The following NALF1 variants were observed in gnomAD, a reference collection of about 807,000 sequenced individuals.
The protein encoded by NALF1 is NALCN channel auxiliary factor 1.
A neutral mutation model predicts 48.4 loss-of-function variants in NALF1; 3 were observed. The ratio of observed to expected loss-of-function variants is 0.06; its 90% CI spans 0.03 to 0.16. The LOEUF (loss-of-function observed/expected upper bound fraction) is 0.16. Ranked by LOEUF, NALF1 falls within the 10% of genes least tolerant of loss-of-function variation. The probability of loss-of-function intolerance (pLI) is 1.00; values close to 1 mark genes in which losing one functional copy is unlikely to be tolerated. For synonymous variants in NALF1, 262 were observed against 245.7 expected (o/e 1.07, Z -0.62); for missense variants, 526 against 571.5 (o/e 0.92, Z 0.81).
intron 2 of NALF1, among the ~76,000 whole-genome samples, chr13:107,206,225 A>G (rs1288986788): frequency 6.6e-6 from 1 of 152,198 alleles, no homozygotes; most frequent in East Asian, 1.9e-4. Flanking sequence ...AAAATTCAAG[A>G]GAAATCTCAG....
At chr13:107,381,143 T>C (rs796115032) in intron 1 of NALF1, among the ~76,000 whole-genome samples, 111 of 148,476 alleles carry the variant, frequency 7.5e-4, no homozygotes, top group African/African-American at 2.5e-3. Flanking sequence ...TATATTCATA[T>C]ATATATGTAT....
At chr13:107,789,783 C>T (rs376399738) in intron 1 of NALF1, among the ~76,000 whole-genome samples, 7 of 152,168 alleles carry the variant, frequency 4.6e-5, no homozygotes, top group Admixed American at 6.5e-5. Flanking sequence ...GCTCTCTGCA[C>T]GGCAATATGC....
chr13:107,789,465 G>A (rs895394670), intron 1 of NALF1, among the ~76,000 whole-genome samples: 1 of 152,110 alleles, frequency 6.6e-6, no homozygotes, highest in African/African-American at 2.4e-5. Context: ...ATCGTTTATT[G>A]TTGGGAAACT....
rs568373742 is a variant in NALF1 at position 107,199,983 on chromosome 13, A to G, written c.1087+10601T>C. 3.1e-3 allele frequency among the ~76,000 whole-genome samples: 463 copies of G among 149,986 alleles called. 3 individuals are homozygous for G. The highest frequency in any genetic ancestry group is 0.011 in the African/African-American group (449 of 39,534). ...TTCTTGCTCAAAGGACGGAGTTGCTACTCACTAATGAACTCATCCAATGTT... is the reference window on the plus strand; with the variant it reads ...TTCTTGCTCAAAGGACGGAGTTGCTGCTCACTAATGAACTCATCCAATGTT... On this transcript the variant is annotated intron_variant, in intron 2 of 2. Transcript: ENST00000375915.
At chr13:107,476,111 A>G (rs1012217965) in intron 1 of NALF1, among the ~76,000 whole-genome samples, 5 of 152,144 alleles carry the variant, frequency 3.3e-5, no homozygotes, top group African/African-American at 4.8e-5. Context: ...TAGATATTTG[A>G]AAGGTATAAT....
At chr13:107,300,183 AT>A (rs1881811438) in intron 1 of NALF1, among the ~76,000 whole-genome samples, 1 of 152,220 alleles carries the variant, frequency 6.6e-6, no homozygotes, top group Non-Finnish European at 1.5e-5. Flanking sequence ...CCTTGAGGTT[AT>A]AGGATTAAAG....
At chr13:107,541,076 A>T (rs73591164) in intron 1 of NALF1, among the ~76,000 whole-genome samples, 3 of 152,104 alleles carry the variant, frequency 2.0e-5, no homozygotes, top group Non-Finnish European at 4.4e-5. Context: ...ACAAAAACTG[A>T]AAAGCAAGAT....
At chr13:107,828,162 T>C (rs182016700) in intron 1 of NALF1, among the ~76,000 whole-genome samples, 2 of 152,314 alleles carry the variant, frequency 1.3e-5, no homozygotes, top group African/African-American at 4.8e-5. Flanking sequence ...ACACTTTTAT[T>C]AAGCCATGCA....
intron 1 of NALF1, among the ~76,000 whole-genome samples, chr13:107,371,283 C>T (rs1293825583): frequency 6.6e-6 from 1 of 151,866 alleles, no homozygotes; most frequent in Non-Finnish European, 1.5e-5. Flanking sequence ...CCTGTCTCTA[C>T]AAAAAATTGA....
At chr13:107,485,445 C>A (rs1180370934) in intron 1 of NALF1, among the ~76,000 whole-genome samples, 2 of 152,102 alleles carry the variant, frequency 1.3e-5, no homozygotes, top group Non-Finnish European at 2.9e-5. Context: ...GTTTTGCAGG[C>A]CACACATCTC....
intron 1 of NALF1, among the ~76,000 whole-genome samples, chr13:107,723,108 A>C (rs1205660359): frequency 6.6e-6 from 1 of 152,228 alleles, no homozygotes; most frequent in African/African-American, 2.4e-5. Context: ...GCCTTCATTC[A>C]TCACATTCAG....
In NALF1 at chr13:107,168,333, G is replaced by C. The variant is rs185806613; in HGVS notation, c.*2164C>G. The C allele has an allele frequency of 6.6e-6, 1 of 152,234 alleles. No homozygotes were observed. The highest frequency in any genetic ancestry group is 6.5e-5 in the Admixed American group (1 of 15,284). 9.4% of individuals were successfully genotyped at this position (152,234 alleles called of 1,614,324 possible). On this transcript the variant is annotated 3_prime_UTR_variant, in exon 3 of 3. Transcript: ENST00000375915. The stretch of plus-strand genomic sequence containing the variant: ...GATACCAAAGTGCTCATTTCTACAA[G>C]TGTTTCACAGTCAACAATTCCATGC...
intron 1 of NALF1, among the ~76,000 whole-genome samples, chr13:107,586,941 T>C (rs999198201): frequency 5.3e-5 from 8 of 152,102 alleles, no homozygotes; most frequent in Non-Finnish European, 7.4e-5. Context: ...AGCAAACTTA[T>C]ATAGAGCCAT....
At chr13:107,697,046 C>T (rs1249893255) in intron 1 of NALF1, among the ~76,000 whole-genome samples, 1 of 151,620 alleles carries the variant, frequency 6.6e-6, no homozygotes, top group African/African-American at 2.4e-5. Context: ...TGATCAATTA[C>T]AAGGCATAAA....
At chr13:107,638,077 A>G (rs1239682469) in intron 1 of NALF1, among the ~76,000 whole-genome samples, 1 of 151,588 alleles carries the variant, frequency 6.6e-6, no homozygotes, top group Admixed American at 6.6e-5. Flanking sequence ...CATAAGTGAC[A>G]TCTAAAAACG....
chr13:107,563,069 C>T (rs569095063), intron 1 of NALF1, among the ~76,000 whole-genome samples: 14 of 152,096 alleles, frequency 9.2e-5, no homozygotes, highest in Admixed American at 3.9e-4. Flanking sequence ...TGTTTATTCA[C>T]GTTAGATTAA....
chr13:107,171,856 A>C (rs1338571819), intron 2 of NALF1, among the ~76,000 whole-genome samples: 1 of 152,220 alleles, frequency 6.6e-6, no homozygotes, highest in Non-Finnish European at 1.5e-5. Context: ...AAAAATGGGG[A>C]TAATAGTAGA....
chr13:107,592,753 T>TA (rs1260552720), intron 1 of NALF1, among the ~76,000 whole-genome samples: 4 of 151,896 alleles, frequency 2.6e-5, no homozygotes, highest in Non-Finnish European at 5.9e-5. Context: ...AGATCATTCA[T>TA]ACATTTTAGA....
At chr13:107,698,838 C>T (rs954759209) in intron 1 of NALF1, among the ~76,000 whole-genome samples, 4 of 152,062 alleles carry the variant, frequency 2.6e-5, no homozygotes, top group Non-Finnish European at 4.4e-5. Context: ...GGGGAGCACA[C>T]CCCTCCTTTT....
Sources: allele counts gnomAD v4.1 joint callset (sites outside exome capture counted in the v4.1 genomes callset), GRCh38; gene constraint gnomAD v4.1.1; transcripts MANE v1.5; gene names NCBI Gene and HGNC (gene_info 2026-07-23, HGNC 2026-07-21).